Variants in THSD4 observed in about 807,000 individuals in gnomAD.
THSD4 encodes thrombospondin type 1 domain containing 4.
THSD4 carries 69 observed loss-of-function variants against 119.0 expected under a neutral mutation model. The ratio of observed to expected loss-of-function variants is 0.58; its 90% CI spans 0.48 to 0.71. THSD4 has a LOEUF of 0.71. Ranked by LOEUF, THSD4 falls within the 30% of genes least tolerant of loss-of-function variation. THSD4 has a pLI of 0.00. For missense variants in THSD4, 1,393 were observed against 1,391.1 expected, an observed-to-expected ratio of 1.00 and a Z score of -0.02; for synonymous variants, 524 against 540.4, an observed-to-expected ratio of 0.97 and a Z score of 0.42.
At chr15:71,447,121 T>A (rs1363302689) in intron 7 of THSD4, among the ~76,000 whole-genome samples, 19 of 135,860 alleles carry the variant, frequency 1.4e-4, no homozygotes, top group Non-Finnish European at 2.7e-4. Context: ...TTTTTTTGTT[T>A]TTTTTTTTTT....
At chr15:71,773,200 C>CAAAAAAAAAAAAAAAAAAA (rs5813665) in intron 17 of THSD4, among the ~76,000 whole-genome samples, 27 of 53,998 alleles carry the variant, frequency 5.0e-4, no homozygotes, top group South Asian at 6.2e-4. Flanking sequence ...GACCATGTCT[C>CAAAAAAAAAAAAAAAAAAA]AAAAAAAAAA....
intron 7 of THSD4, among the ~76,000 whole-genome samples, chr15:71,566,983 G>C (rs2049253402): frequency 6.6e-6 from 1 of 152,048 alleles, no homozygotes; most frequent in South Asian, 2.1e-4. Context: ...AGGGAGCAAG[G>C]GACCAACCCT....
At chr15:71,251,555 T>A (rs2044259234) in intron 5 of THSD4, among the ~76,000 whole-genome samples, 1 of 152,194 alleles carries the variant, frequency 6.6e-6, no homozygotes, top group Admixed American at 6.5e-5. Flanking sequence ...TTTCTTTTTT[T>A]AAAAGGTTTC....
intron 2 of THSD4, among the ~76,000 whole-genome samples, chr15:71,147,997 C>G (rs1246495286): frequency 6.1e-5 from 8 of 131,834 alleles, no homozygotes; most frequent in Non-Finnish European, 3.2e-5. Flanking sequence ...AAAAAAAAAG[C>G]TGTACTGTGA....
chr15:71,143,235 T>C (rs2040622210), intron 2 of THSD4, among the ~76,000 whole-genome samples: 1 of 152,186 alleles, frequency 6.6e-6, no homozygotes, highest in Non-Finnish European at 1.5e-5. Context: ...CTCTTCAGGA[T>C]AGAAGTTGGC....
chr15:71,423,081 G>A (rs2140518953), intron 7 of THSD4, among the ~76,000 whole-genome samples: 1 of 152,244 alleles, frequency 6.6e-6, no homozygotes, highest in South Asian at 2.1e-4. Flanking sequence ...CCACCCTTTA[G>A]AGCAGTTGGC....
At chr15:71,312,115 C>T (rs1180299848) in intron 6 of THSD4, among the ~76,000 whole-genome samples, 3 of 152,216 alleles carry the variant, frequency 2.0e-5, no homozygotes, top group Non-Finnish European at 4.4e-5. Context: ...TAGTGCTCCC[C>T]TCAAATTCAT....
intron 8 of THSD4, among the ~76,000 whole-genome samples, chr15:71,719,754 C>A (rs551752782): frequency 6.6e-6 from 1 of 152,324 alleles, no homozygotes; most frequent in Admixed American, 6.5e-5. Context: ...CAGCTCACTG[C>A]AGCCTCAACT....
chr15:71,629,314 A>G (rs917637628), intron 7 of THSD4, among the ~76,000 whole-genome samples: 22 of 152,118 alleles, frequency 1.4e-4, no homozygotes, highest in Admixed American at 1.0e-3. Flanking sequence ...ATTGCAACAA[A>G]CTGGGCCTCA....
chr15:71,578,163 T>TATTCATTATATATATA (rs2049490595), intron 7 of THSD4, among the ~76,000 whole-genome samples: 1 of 148,718 alleles, frequency 6.7e-6, no homozygotes, highest in African/African-American at 2.5e-5. Context: ...ATAGTATATA[T>TATTCATTATATATATA]ATTCATTATA....
chr15:71,633,563 CTG>C (rs1191979836), intron 7 of THSD4, among the ~76,000 whole-genome samples: 1 of 152,212 alleles, frequency 6.6e-6, no homozygotes, highest in Non-Finnish European at 1.5e-5. Context: ...GCATAAGCCA[CTG>C]TGCCCTGCTG....
At chr15:71,738,177 C>T (rs2053162187) in intron 11 of THSD4, 170 bp downstream of exon 11, 3 of 833,064 alleles carry the variant, frequency 3.6e-6, no homozygotes, top group South Asian at 1.8e-5. Context: ...GGTGAAACTG[C>T]CCTATCGCAG....
intron 7 of THSD4, among the ~76,000 whole-genome samples, chr15:71,461,880 T>C (rs548781401): frequency 8.4e-4 from 128 of 152,146 alleles, no homozygotes; most frequent in African/African-American, 2.8e-3. Flanking sequence ...AAAGTTACCA[T>C]TCATTTGTTG....
At chr15:71,748,015 TGTCA>T (rs2053372311) in intron 13 of THSD4, among the ~76,000 whole-genome samples, 1 of 152,208 alleles carries the variant, frequency 6.6e-6, no homozygotes, top group African/African-American at 2.4e-5. Flanking sequence ...GAGTCCATTC[TGTCA>T]GTCTTATGAT....
At chr15:71,673,142 A>G (rs757687233) in intron 8 of THSD4, among the ~76,000 whole-genome samples, 16 of 152,176 alleles carry the variant, frequency 1.1e-4, no homozygotes, top group Admixed American at 7.2e-4. Context: ...TTGGCAGGCT[A>G]TTAATTATTG....
At chr15:71,256,557 C>G in intron 5 of THSD4, 56 bp from the exon 6 acceptor site, 5 of 1,441,638 alleles carry the variant, frequency 3.5e-6, no homozygotes, top group Non-Finnish European at 4.8e-6. Context: ...GGAAATGTAT[C>G]CTGGAGCTAT....
intron 6 of THSD4, among the ~76,000 whole-genome samples, chr15:71,353,956 C>T (rs925090066): frequency 5.9e-5 from 9 of 152,162 alleles, no homozygotes; most frequent in Non-Finnish European, 1.0e-4. Context: ...GGAAGGAAGA[C>T]ACTGAAGATA....
chr15:71,637,318 C>G (rs1270896280), intron 7 of THSD4, among the ~76,000 whole-genome samples: 1 of 152,202 alleles, frequency 6.6e-6, no homozygotes, highest in Non-Finnish European at 1.5e-5. Context: ...AAACATTTGG[C>G]TTTCAGAAAC....
chr15:71,495,061 T>C (rs1160535547), intron 7 of THSD4, among the ~76,000 whole-genome samples: 1 of 152,094 alleles, frequency 6.6e-6, no homozygotes, highest in African/African-American at 2.4e-5. Context: ...GCTGAGGAAA[T>C]GTGGGCAATT....
Sources: allele counts gnomAD v4.1 joint callset (sites outside exome capture counted in the v4.1 genomes callset), GRCh38; gene constraint gnomAD v4.1.1; transcripts MANE v1.5; gene names NCBI Gene and HGNC (gene_info 2026-07-23, HGNC 2026-07-21).